ZFHX3: variants seen among roughly 807,000 people sequenced by gnomAD.
The protein encoded by ZFHX3 is zinc finger homeobox protein 3.
A neutral mutation model predicts 279.1 loss-of-function variants in ZFHX3; 42 were observed. The observed-to-expected ratio is 0.15, with a 90% CI of 0.12 to 0.19. The LOEUF (loss-of-function observed/expected upper bound fraction) is 0.19. ZFHX3 is among the 10% of genes least tolerant of loss of function. The probability of loss-of-function intolerance (pLI) is 1.00; values close to 1 mark genes in which losing one functional copy is unlikely to be tolerated. For missense variants in ZFHX3, 4,981 were observed against 4,754.0 expected (o/e 1.05, Z -1.40); for synonymous variants, 2,293 against 1,957.8 (o/e 1.17, Z -4.52).
At chr16:73,478,264 CAA>C (rs1162656010) in intron 2 of ZFHX3, among the ~76,000 whole-genome samples, 34 of 61,580 alleles carry the variant, frequency 5.5e-4, no homozygotes, top group African/African-American at 7.2e-4. Context: ...GACTCCATCT[CAA>C]AAAAAAAAAA....
At chr16:72,820,350 C>A (rs981122513) in intron 5 of ZFHX3, among the ~76,000 whole-genome samples, 1 of 152,220 alleles carries the variant, frequency 6.6e-6, no homozygotes, top group African/African-American at 2.4e-5. Context: ...CTTAACCACA[C>A]TGATTTGAGT....
intron 3 of ZFHX3, among the ~76,000 whole-genome samples, chr16:73,320,240 T>C (rs1175330793): frequency 6.6e-6 from 1 of 152,204 alleles, no homozygotes; most frequent in East Asian, 1.9e-4. Context: ...ATCAGACTAA[T>C]GACCCCTTAT....
chr16:73,029,806 A>C (rs1212347882), intron 1 of ZFHX3, among the ~76,000 whole-genome samples: 1 of 152,216 alleles, frequency 6.6e-6, no homozygotes, highest in Non-Finnish European at 1.5e-5. Flanking sequence ...GGGAAGTGGC[A>C]GAGGGGAGAC....
intron 4 of ZFHX3, among the ~76,000 whole-genome samples, chr16:72,833,760 A>ACT: frequency 6.6e-6 from 1 of 152,082 alleles, no homozygotes; most frequent in African/African-American, 2.4e-5. Flanking sequence ...TGTGTTTTAG[A>ACT]AGACACCAGA....
intron 1 of ZFHX3, among the ~76,000 whole-genome samples, chr16:73,689,270 T>A (rs1210950815): frequency 6.6e-6 from 1 of 152,210 alleles, no homozygotes. Flanking sequence ...GATTTCACAT[T>A]ATGCTCTGGG....
At chr16:72,933,302 C>A (rs945319887) in intron 3 of ZFHX3, among the ~76,000 whole-genome samples, 21 of 151,336 alleles carry the variant, frequency 1.4e-4, no homozygotes, top group African/African-American at 4.7e-4. Context: ...CACAACAGAT[C>A]ATCATTACTA....
At chr16:73,059,521 C>CCTTT (rs1471922269) in exon 1 of ZFHX3, 1 of 63,976 alleles carries the variant, frequency 1.6e-5, no homozygotes, top group Non-Finnish European at 2.7e-5. Context: ...ATTATTTTCC[C>CCTTT]CTTTCTCTCT....
At position 72,785,155 on chromosome 16, in the gene ZFHX3, G is replaced by T. The variant is rs368575164; in HGVS notation, c.*2009C>A. On this transcript the variant is annotated 3_prime_UTR_variant, in exon 10 of 10. Coordinates refer to ENST00000268489, the MANE Select transcript of ZFHX3 (RefSeq NM_006885.4). ...GATGTTTAGCTATGAAAGTGAAACA[G>T]CAAAGCATCTATTTATTTGTCTCCA... 6.5e-5 allele frequency: 10 copies of T among 152,756 alleles called. No individual in the cohort carries two copies. The East Asian group carries it at 1.3e-3, about 21-fold the overall frequency. The allele number at this position is 152,756 out of a possible 1,614,324, so 9.5% of individuals were successfully genotyped here.
At chr16:73,095,077 G>A (rs956483467) in intron 7 of ZFHX3, among the ~76,000 whole-genome samples, 8 of 152,038 alleles carry the variant, frequency 5.3e-5, no homozygotes, top group South Asian at 2.1e-4. Context: ...CTTCTGAAAT[G>A]CTTATCTTTT....
In ZFHX3 at chr16:73,232,067, T is replaced by G. The variant is rs576089809; in HGVS notation, c.-1104+24980A>C. 3 of 152,316 alleles carry G rather than the reference T, an allele frequency of 2.0e-5. No homozygotes were observed. The South Asian group carries it at 6.2e-4, about 32-fold the overall frequency. The allele number at this position is 152,316 out of a possible 1,614,324, so 9.4% of individuals were successfully genotyped here. On this transcript the variant is annotated intron_variant, in intron 5 of 17. Coordinates refer to the ZFHX3 transcript ENST00000641206. ...AGCTCCCCGACCATTTGGCTCTTGA[T>G]TCTTCGGGGAAAGCAGCTGTAGAGA...
At chr16:73,832,674 A>G (rs1198991391) in intron 1 of ZFHX3, among the ~76,000 whole-genome samples, 1 of 152,086 alleles carries the variant, frequency 6.6e-6, no homozygotes, top group Non-Finnish European at 1.5e-5. Context: ...CAGCCTCCCA[A>G]AATGCTGGGA....
At chr16:72,986,695 T>C (rs1962861199) in intron 1 of ZFHX3, among the ~76,000 whole-genome samples, 2 of 152,184 alleles carry the variant, frequency 1.3e-5, no homozygotes, top group South Asian at 4.1e-4. Context: ...GCAGACATAT[T>C]TTTCAATATA....
intron 7 of ZFHX3, among the ~76,000 whole-genome samples, chr16:73,112,231 G>A (rs990293433): frequency 3.3e-5 from 5 of 151,942 alleles, no homozygotes; most frequent in Non-Finnish European, 7.4e-5. Flanking sequence ...AGAAGAGAGG[G>A]GTGGGATAAT....
At chr16:73,230,087 A>G (rs2012726937) in intron 5 of ZFHX3, among the ~76,000 whole-genome samples, 1 of 152,254 alleles carries the variant, frequency 6.6e-6, no homozygotes, top group Non-Finnish European at 1.5e-5. Flanking sequence ...AAAGATATTC[A>G]TAGATCAATA....
At chr16:72,961,382 C>T (rs993090154) in intron 1 of ZFHX3, among the ~76,000 whole-genome samples, 6 of 152,236 alleles carry the variant, frequency 3.9e-5, no homozygotes, top group African/African-American at 7.2e-5. Flanking sequence ...GGATCACGGC[C>T]GCTCTGCTCC....
At chr16:73,295,181 C>T (rs1010106962) in intron 4 of ZFHX3, among the ~76,000 whole-genome samples, 5 of 152,116 alleles carry the variant, frequency 3.3e-5, no homozygotes, top group African/African-American at 1.2e-4. Flanking sequence ...CGCCACTGCA[C>T]TCCAGCCTGG....
intron 2 of ZFHX3, among the ~76,000 whole-genome samples, chr16:73,664,265 G>T (rs1274479199): frequency 6.6e-6 from 1 of 152,060 alleles, no homozygotes; most frequent in Non-Finnish European, 1.5e-5. Flanking sequence ...TCTTGAGATG[G>T]GCTAGCACTA....
intron 3 of ZFHX3, among the ~76,000 whole-genome samples, chr16:73,392,421 A>AAAAAAAAAAAAC (rs2017035783): frequency 8.7e-6 from 1 of 115,546 alleles, no homozygotes; most frequent in Non-Finnish European, 2.0e-5. Context: ...CCTGTCTCAA[A>AAAAAAAAAAAAC]AAAAAAAAAA....
chr16:73,714,067 C>G (rs1187199146), intron 1 of ZFHX3, among the ~76,000 whole-genome samples: 1 of 152,120 alleles, frequency 6.6e-6, no homozygotes, highest in African/African-American at 2.4e-5. Flanking sequence ...GGCTGCCAGA[C>G]TCGTACTTAC....
Sources: allele counts gnomAD v4.1 joint callset (sites outside exome capture counted in the v4.1 genomes callset), GRCh38; gene constraint gnomAD v4.1.1; transcripts MANE v1.5; gene names NCBI Gene and HGNC (gene_info 2026-07-23, HGNC 2026-07-21).